SYK: variants seen among roughly 807,000 people sequenced by gnomAD.
SYK encodes spleen associated tyrosine kinase.
A neutral mutation model predicts 77.8 loss-of-function variants in SYK; 16 were observed. That is an observed-to-expected ratio of 0.21 (90% CI 0.14 to 0.31). The LOEUF is 0.31. SYK is among the 10% of genes least tolerant of loss of function. SYK has a pLI of 1.00. For synonymous variants in SYK, 312 were observed against 308.7 expected (o/e 1.01, Z -0.11); for missense variants, 529 against 814.4 (o/e 0.65, Z 4.26).
chr9:90,858,958 C>T (rs1827147759), intron 3 of SYK, among the ~76,000 whole-genome samples: 1 of 152,182 alleles, frequency 6.6e-6, no homozygotes, highest in Non-Finnish European at 1.5e-5. Context: ...TCTTGAAGAG[C>T]CTCAAGGAAG....
intron 1 of SYK, chr9:90,827,690 T>G (rs1263559761): frequency 1.3e-5 from 2 of 152,254 alleles, no homozygotes; most frequent in Non-Finnish European, 2.9e-5. Flanking sequence ...GCATCTGCGT[T>G]TCCTCTCCTC....
In SYK at chr9:90,897,894, C is replaced by G. The variant is rs1829053262; in HGVS notation, c.*2294C>G. ...GTGGTCAGGAATAATTATCCTTTCC[C>G]CTGTAGCCACCAAGGAGGGCAAATA... On this transcript the variant is annotated 3_prime_UTR_variant, in exon 14 of 14. Transcript: ENST00000375754. The G allele has an allele frequency of 4.4e-6, 1 of 225,376 alleles. No individual in the cohort carries two copies. The highest frequency in any genetic ancestry group is 8.8e-6 in the Non-Finnish European group (1 of 113,242). 14.0% of individuals were successfully genotyped at this position (225,376 alleles called of 1,614,324 possible).
At chr9:90,835,242 TG>T (rs1268959950) in intron 1 of SYK, among the ~76,000 whole-genome samples, 3 of 152,084 alleles carry the variant, frequency 2.0e-5, no homozygotes, top group African/African-American at 7.2e-5. Flanking sequence ...AAATTGAGTG[TG>T]GGGGATGTGT....
At position 90,884,708 on chromosome 9, in the gene SYK, T is replaced by C. The variant is rs887649846; in HGVS notation, c.1582-3041T>C. ...ATATACACATATGTGTACATGTACA[T>C]ATACACATATACACATATGTGTACA... On this transcript the variant is annotated intron_variant, in intron 11 of 13. Transcript: ENST00000375754. Among the ~76,000 whole-genome samples, 22 of 35,690 alleles carry C rather than the reference T, an allele frequency of 6.2e-4. 3 individuals carry two copies. The highest frequency in any genetic ancestry group is 7.0e-3 in the East Asian group (2 of 286). 23.4% of individuals were successfully genotyped at this position (35,690 alleles called of 152,430 possible).
At chr9:90,866,687 A>G (rs996677862) in intron 6 of SYK, among the ~76,000 whole-genome samples, 1 of 152,164 alleles carries the variant, frequency 6.6e-6, no homozygotes, top group African/African-American at 2.4e-5. Flanking sequence ...TAAGATACAT[A>G]CGGGAAAAAA....
rs1036161184 is a variant in SYK at position 90,818,460 on chromosome 9, C to T, written c.-42+16567C>T. On this transcript the variant is annotated intron_variant, in intron 1 of 13. Transcript: ENST00000375754. Reference sequence around the variant, plus strand: ...ACATTGAGTTATGGGGCGCCTCCCACGTGTCAGGAGCAGGGTGAGGTATGG... The same window carrying T: ...ACATTGAGTTATGGGGCGCCTCCCATGTGTCAGGAGCAGGGTGAGGTATGG... 1.2e-4 allele frequency among the ~76,000 whole-genome samples: 18 copies of T among 152,298 alleles called. 1 individual carries two copies. In the East Asian group the frequency reaches 2.3e-3, roughly 20 times the overall value.
intron 1 of SYK, among the ~76,000 whole-genome samples, chr9:90,833,876 T>C (rs532161496): frequency 4.1e-4 from 63 of 152,276 alleles, no homozygotes; most frequent in African/African-American, 1.5e-3. Flanking sequence ...TACAGTATAA[T>C]TTAAATAAAA....
intron 1 of SYK, among the ~76,000 whole-genome samples, chr9:90,815,623 G>A (rs993948106): frequency 3.3e-5 from 5 of 152,246 alleles, no homozygotes; most frequent in East Asian, 1.9e-4. Flanking sequence ...TGCAAAAGGC[G>A]CGATCAAGAT....
chr9:90,855,001 C>CACAT (rs1360617691), intron 3 of SYK, among the ~76,000 whole-genome samples: 1 of 106,008 alleles, frequency 9.4e-6, no homozygotes, highest in African/African-American at 4.4e-5. Flanking sequence ...CTCTCACACA[C>CACAT]ACACATACAT....
intron 13 of SYK, among the ~76,000 whole-genome samples, chr9:90,890,204 C>T (rs1032805305): frequency 1.3e-5 from 2 of 152,192 alleles, no homozygotes; most frequent in Non-Finnish European, 2.9e-5. Context: ...GGCACCACCT[C>T]CCACTTGGCT....
chr9:90,894,108 C>T (rs1461349392), intron 13 of SYK, among the ~76,000 whole-genome samples: 2 of 152,196 alleles, frequency 1.3e-5, no homozygotes, highest in African/African-American at 4.8e-5. Context: ...GCAGATGAAC[C>T]CCCAGAGCAA....
In SYK at chr9:90,867,212, C is replaced by A. The variant is rs759578733; in HGVS notation, c.915+13C>A. On this transcript the variant is annotated intron_variant, in intron 7 of 13. Coordinates refer to ENST00000375754, the MANE Select transcript of SYK (RefSeq NM_003177.7). The stretch of plus-strand genomic sequence containing the variant: ...TGGCCACAGAAAGGTGCTAAAGCAA[C>A]CCCTGCTTGCTGTCCAACTAAGTGG... 1.7e-5 allele frequency: 27 copies of A among 1,613,966 alleles called. No homozygotes were observed. Among genetic ancestry groups the A allele is most frequent in the South Asian group, 1.2e-4 (11 of 91,066 alleles).
At chr9:90,893,189 G>A (rs1828862081) in intron 13 of SYK, among the ~76,000 whole-genome samples, 1 of 152,194 alleles carries the variant, frequency 6.6e-6, no homozygotes, top group Admixed American at 6.5e-5. Context: ...CTTAGGAAAG[G>A]GATGACTCCA....
chr9:90,890,975 T>A (rs958597588), intron 13 of SYK, among the ~76,000 whole-genome samples: 1 of 152,096 alleles, frequency 6.6e-6, no homozygotes, highest in Admixed American at 6.5e-5. Context: ...TCCGGCTCCG[T>A]GTGGAAATGC....
intron 1 of SYK, among the ~76,000 whole-genome samples, chr9:90,806,569 TG>T (rs2118254263): frequency 6.6e-6 from 1 of 152,338 alleles, no homozygotes; most frequent in South Asian, 2.1e-4. Flanking sequence ...ATATGTTTTA[TG>T]TAAATTGCTT....
Position 90,896,696 on chromosome 9 carries a change from A to G in SYK, c.*1096A>G, listed in dbSNP as rs158687. ...GATTTTCTGGTCTTAACTAATCCTCATCTTCATGTTTGATCTTTAAGAAGT... is the reference window on the plus strand; with the variant it reads ...GATTTTCTGGTCTTAACTAATCCTCGTCTTCATGTTTGATCTTTAAGAAGT... On this transcript the variant is annotated 3_prime_UTR_variant, in exon 14 of 14. Transcript: ENST00000375754. 0.29 allele frequency: 67,030 copies of G among 231,348 alleles called. 10,188 individuals are homozygous for G. Among genetic ancestry groups the G allele is most frequent in the Admixed American group, 0.37 (6,592 of 17,720 alleles). 14.3% of individuals were successfully genotyped at this position (231,348 alleles called of 1,614,324 possible).
chr9:90,844,032 G>A lies in SYK; in HGVS notation c.134G>A (p.Arg45His), dbSNP rs16906862. The change falls in exon 2 of 14, where the codon CGC becomes CAC. Residue 45 changes from arginine (R) to histidine (H), a missense_variant. This residue lies in a region of SYK where 321 missense variants were observed against 433.1 expected (regional missense o/e 0.74). Transcript: ENST00000375754. ...GGGCTTTATTTGCTGCGCCAGAGCC[G>A]CAACTACCTGGGTGGCTTCGCCCTG... is the stretch of plus-strand genomic sequence containing the variant. The part of the protein sequence containing the change: ...SDGLYLLRQS[R>H]NYLGGFALSV... The A allele has an allele frequency of 3.7e-6, 6 of 1,612,202 alleles. No individual in the cohort carries two copies. Among genetic ancestry groups the A allele is most frequent in the South Asian group, 2.2e-5 (2 of 90,710 alleles).
intron 1 of SYK, among the ~76,000 whole-genome samples, chr9:90,841,723 CTGTG>C (rs1327397082): frequency 8.7e-5 from 12 of 137,848 alleles, no homozygotes; most frequent in African/African-American, 3.0e-4. Context: ...GTAGTGTGTA[CTGTG>C]TGTGGTGTGT....
At chr9:90,894,859 C>T (rs1390516066) in intron 13 of SYK, among the ~76,000 whole-genome samples, 1 of 152,100 alleles carries the variant, frequency 6.6e-6, no homozygotes, top group Non-Finnish European at 1.5e-5. Flanking sequence ...ATGCTTTTGC[C>T]CATAGTTTAC....
Sources: allele counts gnomAD v4.1 joint callset (sites outside exome capture counted in the v4.1 genomes callset), GRCh38; gene constraint gnomAD v4.1.1; regional missense constraint gnomAD v4.1.1; transcripts MANE v1.5; gene names NCBI Gene and HGNC (gene_info 2026-07-23, HGNC 2026-07-21).